The following ESR2 variants were observed in gnomAD, a reference collection of about 807,000 sequenced individuals.
ESR2 encodes estrogen receptor beta.
In ESR2, 36 loss-of-function variants were observed where a neutral mutation model predicts 49.6. The ratio of observed to expected loss-of-function variants is 0.73; its 90% confidence interval spans 0.56 to 0.96. The LOEUF is 0.96. ESR2 is among the 40% of genes least tolerant of loss of function. The probability of loss-of-function intolerance (pLI) is 0.00; values close to 1 mark genes in which losing one functional copy is unlikely to be tolerated. For synonymous variants in ESR2, 320 were observed against 266.1 expected, an observed-to-expected ratio of 1.20 and a Z score of -1.97; for missense variants, 714 against 693.0, an observed-to-expected ratio of 1.03 and a Z score of -0.34.
chr14:64,311,013 C>G (rs569968757), intron 1 of ESR2, among the ~76,000 whole-genome samples: 3 of 152,040 alleles, frequency 2.0e-5, no homozygotes, highest in Non-Finnish European at 4.4e-5. Context: ...CATCCTTCCC[C>G]GCAAAATGGA....
intron 1 of ESR2, among the ~76,000 whole-genome samples, chr14:64,286,349 G>A (rs543027335): frequency 6.6e-6 from 1 of 151,762 alleles, no homozygotes; most frequent in African/African-American, 2.4e-5. Flanking sequence ...CACCCAGGCT[G>A]GAGTGCAGTG....
chr14:64,266,040 A>T (rs1169306283), intron 4 of ESR2, among the ~76,000 whole-genome samples: 6 of 152,214 alleles, frequency 3.9e-5, no homozygotes, highest in Admixed American at 3.9e-4. Flanking sequence ...TATGTGCAAC[A>T]ACCCATCTCA....
chr14:64,257,130 G>A, intron 6 of ESR2, 96 bp downstream of exon 6: 1 of 1,137,594 alleles, frequency 8.8e-7, no homozygotes, highest in Non-Finnish European at 1.3e-6. Context: ...CCCTGCAAGT[G>A]TGAGATTTTA....
rs553506799 is a variant in ESR2 at position 64,283,568 on chromosome 14, G to A, written c.-90-493C>T. Among the ~76,000 whole-genome samples, 4 of 151,876 alleles carry A rather than the reference G, an allele frequency of 2.6e-5. No individual in the cohort carries two copies. In the South Asian group the frequency reaches 6.2e-4, roughly 24 times the overall value. ...GAGGTCAGGAGTTCGAGACCAGCCT[G>A]GGCAACATGGTGAAACCCCGTCTCT... On this transcript the variant is annotated intron_variant, in intron 1 of 8. Coordinates refer to ENST00000341099, the MANE Select transcript of ESR2 (RefSeq NM_001437.3).
intron 8 of ESR2, 130 bp downstream of exon 8, chr14:64,234,840 C>A (rs760946416): frequency 9.9e-5 from 147 of 1,481,294 alleles, no homozygotes; most frequent in Non-Finnish European, 1.2e-4. Flanking sequence ...TGTGAACTGA[C>A]AAATTCCCCA....
At chr14:64,270,553 T>C (rs891980847) in intron 3 of ESR2, among the ~76,000 whole-genome samples, 12 of 152,076 alleles carry the variant, frequency 7.9e-5, no homozygotes, top group African/African-American at 2.9e-4. Flanking sequence ...CTCTGTTGCC[T>C]AGGTTAGAGC....
At chr14:64,227,259 A>G (rs906355722), downstream of ESR2, 45 of 470,904 alleles carry the variant, frequency 9.6e-5, no homozygotes, top group Admixed American at 1.7e-3. Context: ...TCAGCTTTCT[A>G]CATTGGTGCC....
intron 4 of ESR2, among the ~76,000 whole-genome samples, chr14:64,267,805 A>G (rs1278085999): frequency 6.7e-6 from 1 of 150,144 alleles, no homozygotes; most frequent in Non-Finnish European, 1.5e-5. Flanking sequence ...AATGATGTGA[A>G]CCCGGGAGGC....
At chr14:64,254,484 C>T (rs1172197093) in intron 6 of ESR2, among the ~76,000 whole-genome samples, 1 of 151,770 alleles carries the variant, frequency 6.6e-6, no homozygotes, top group Admixed American at 6.6e-5. Flanking sequence ...TGGTGACTCA[C>T]GTCTGTAATC....
At chr14:64,322,308 C>A (rs1268118371) in intron 1 of ESR2, among the ~76,000 whole-genome samples, 1 of 152,148 alleles carries the variant, frequency 6.6e-6, no homozygotes, top group Non-Finnish European at 1.5e-5. Context: ...ATCCACCCAC[C>A]TTGACCTCCC....
intron 3 of ESR2, among the ~76,000 whole-genome samples, chr14:64,277,155 A>G (rs1033140124): frequency 6.6e-6 from 1 of 152,210 alleles, no homozygotes; most frequent in Non-Finnish European, 1.5e-5. Context: ...GAGAAACAAC[A>G]GCACTTATCA....
At chr14:64,280,770 G>A (rs1596451077) in intron 2 of ESR2, among the ~76,000 whole-genome samples, 1 of 152,308 alleles carries the variant, frequency 6.6e-6, no homozygotes, top group East Asian at 1.9e-4. Flanking sequence ...AGCACATTGG[G>A]GAGCCAAGGT....
In ESR2 at chr14:64,287,024, GTTT is replaced by G. The variant is rs61331470; in HGVS notation, c.-90-3952_-90-3950del. Among the ~76,000 whole-genome samples, 918 of 141,276 alleles carry G rather than the reference GTTT, an allele frequency of 6.5e-3. 14 individuals are homozygous for G. The highest frequency in any genetic ancestry group is 0.022 in the African/African-American group (869 of 39,258). 92.7% of individuals were successfully genotyped at this position (141,276 alleles called of 152,430 possible). On this transcript the variant is annotated intron_variant, in intron 1 of 8. Coordinates refer to ENST00000341099, the MANE Select transcript of ESR2 (RefSeq NM_001437.3). Reference sequence around the variant, plus strand: ...GAGTCACCGTGCCTGGCCTGAAGTTGTTTTTTTTTTTTTCTTTTTTAATTGTGT... The same window carrying G: ...GAGTCACCGTGCCTGGCCTGAAGTTGTTTTTTTTTTCTTTTTTAATTGTGT...
At chr14:64,289,660 T>C (rs922541699) in intron 1 of ESR2, among the ~76,000 whole-genome samples, 27 of 152,088 alleles carry the variant, frequency 1.8e-4, no homozygotes, top group African/African-American at 6.0e-4. Context: ...AGTTACAATG[T>C]CTTTATGGCC....
intron 1 of ESR2, among the ~76,000 whole-genome samples, chr14:64,311,997 T>G (rs1327745689): frequency 6.6e-6 from 1 of 152,150 alleles, no homozygotes; most frequent in East Asian, 1.9e-4. Flanking sequence ...GTTTGATGGT[T>G]AAAGCAAAAA....
rs1232013998 is a variant in ESR2 at position 64,229,369 on chromosome 14, A to G, written c.*3768T>C. ...CTTGCGTGCCAGTCCAAGCTTTGCCATGAGTAGTTTTATGACCTTGAATAG... is the reference window on the plus strand; with the variant it reads ...CTTGCGTGCCAGTCCAAGCTTTGCCGTGAGTAGTTTTATGACCTTGAATAG... On this transcript the variant is annotated 3_prime_UTR_variant, in exon 9 of 9. Coordinates refer to ENST00000341099, the MANE Select transcript of ESR2 (RefSeq NM_001437.3). Among the ~76,000 whole-genome samples, 2 of 152,106 alleles carry G rather than the reference A, an allele frequency of 1.3e-5. No individual in the cohort carries two copies. The highest frequency in any genetic ancestry group is 4.8e-5 in the African/African-American group (2 of 41,424).
At chr14:64,313,437 G>A (rs1430194573) in intron 1 of ESR2, among the ~76,000 whole-genome samples, 1 of 151,484 alleles carries the variant, frequency 6.6e-6, no homozygotes, top group Non-Finnish European at 1.5e-5. Context: ...TGGAGGCTGA[G>A]GCAAGAGAAT....
intron 7 of ESR2, among the ~76,000 whole-genome samples, chr14:64,244,399 CAAAA>C (rs34288779): frequency 3.1e-5 from 4 of 127,832 alleles, no homozygotes; most frequent in Middle Eastern, 3.7e-3. Context: ...GACTTCATCT[CAAAA>C]AAAAAAAAAA....
At chr14:64,292,935 G>A (rs2076895949) in intron 1 of ESR2, among the ~76,000 whole-genome samples, 1 of 152,154 alleles carries the variant, frequency 6.6e-6, no homozygotes, top group Non-Finnish European at 1.5e-5. Flanking sequence ...AAACTTCTAT[G>A]TCTTGAGCAA....
Sources: gnomAD v4.1 joint callset for allele counts (sites outside exome capture counted in the v4.1 genomes callset) on GRCh38, gnomAD v4.1.1 for gene constraint, MANE v1.5 for transcripts, NCBI Gene and HGNC (gene_info 2026-07-23, HGNC 2026-07-21) for gene names.